CAMKMT: variants seen among roughly 807,000 people sequenced by gnomAD.
CAMKMT encodes the protein CaM KMT.
In CAMKMT, 53 loss-of-function variants were observed where a neutral mutation model predicts 48.0. The observed-to-expected ratio is 1.10, with a 90% CI of 0.89 to 1.39. The LOEUF is 1.39. Among genes scored for constraint, CAMKMT ranks in the 40% most tolerant of loss-of-function variants. The pLI, the probability that CAMKMT is intolerant of heterozygous loss-of-function variation, is 0.00. For synonymous variants in CAMKMT, 165 were observed against 152.3 expected (o/e 1.08, Z -0.61); for missense variants, 428 against 402.7 (o/e 1.06, Z -0.54).
intron 7 of CAMKMT, among the ~76,000 whole-genome samples, chr2:44,719,078 G>T (rs992266912): frequency 6.6e-6 from 1 of 152,176 alleles, no homozygotes; most frequent in Non-Finnish European, 1.5e-5. Context: ...GCCTTCTGCA[G>T]TCTGCCCTTA....
intron 7 of CAMKMT, among the ~76,000 whole-genome samples, chr2:44,731,821 C>T (rs1284426907): frequency 1.3e-5 from 2 of 152,254 alleles, no homozygotes; most frequent in Non-Finnish European, 2.9e-5. Context: ...CAATGATACT[C>T]AGCATCTCTC....
At chr2:44,542,366 CTGAGA>C (rs1307757170) in intron 3 of CAMKMT, among the ~76,000 whole-genome samples, 1 of 152,010 alleles carries the variant, frequency 6.6e-6, no homozygotes, top group Non-Finnish European at 1.5e-5. Flanking sequence ...CCAGTACTTA[CTGAGA>C]TATTTCCATG....
chr2:44,518,177 A>T (rs576562533), intron 3 of CAMKMT, among the ~76,000 whole-genome samples: 4 of 152,208 alleles, frequency 2.6e-5, no homozygotes, highest in East Asian at 1.9e-4. Context: ...TTTTCAAGAA[A>T]ATTTAGTACT....
At chr2:44,765,419 A>G (rs1212787205) in intron 9 of CAMKMT, among the ~76,000 whole-genome samples, 1 of 152,218 alleles carries the variant, frequency 6.6e-6, no homozygotes, top group African/African-American at 2.4e-5. Flanking sequence ...ACTCTTCATA[A>G]GAAACTCAGA....
intron 3 of CAMKMT, among the ~76,000 whole-genome samples, chr2:44,541,721 T>C (rs895118422): frequency 2.7e-5 from 4 of 147,728 alleles, no homozygotes; most frequent in African/African-American, 7.6e-5. Flanking sequence ...CAGTGAGCCA[T>C]GAGTGTGCCA....
At chr2:44,595,351 C>T (rs1670588987) in intron 3 of CAMKMT, among the ~76,000 whole-genome samples, 1 of 152,130 alleles carries the variant, frequency 6.6e-6, no homozygotes, top group Admixed American at 6.6e-5. Context: ...GGTGATCTGC[C>T]CGCCTCAGCG....
chr2:44,463,232 A>G (rs1446845246), intron 3 of CAMKMT, among the ~76,000 whole-genome samples: 1 of 152,222 alleles, frequency 6.6e-6, no homozygotes, highest in East Asian at 1.9e-4. Flanking sequence ...AAGAATAGGA[A>G]GCCCTAGACC....
At chr2:44,703,885 C>T (rs139006244) in intron 3 of CAMKMT, among the ~76,000 whole-genome samples, 140 of 151,264 alleles carry the variant, frequency 9.3e-4, no homozygotes, top group African/African-American at 3.2e-3. Flanking sequence ...TGTGTGTGAT[C>T]GTCCCATTTA....
chr2:44,378,781 C>G (rs942164227), intron 2 of CAMKMT, among the ~76,000 whole-genome samples: 1 of 152,160 alleles, frequency 6.6e-6, no homozygotes, highest in African/African-American at 2.4e-5. Flanking sequence ...CGTGAGCCAC[C>G]GCGCCTGGCC....
chr2:44,556,726 C>T lies in CAMKMT; in HGVS notation c.377-147557C>T, dbSNP rs528727922. On this transcript the variant is annotated intron_variant, in intron 3 of 10. Coordinates refer to ENST00000378494, the MANE Select transcript of CAMKMT (RefSeq NM_024766.5). ...CCTCATGATCCACCCGCCTCGGCCT[C>T]CCAAAGTGCTGGGATTACAGGCGTG... Among the ~76,000 whole-genome samples, 179 of 72,990 alleles carry T rather than the reference C, an allele frequency of 2.5e-3. 72 individuals are homozygous for T. The highest frequency in any genetic ancestry group is 4.4e-3 in the Non-Finnish European group (144 of 33,020). The allele number at this position is 72,990 out of a possible 152,430, so 47.9% of individuals were successfully genotyped here. A position where few individuals can be genotyped will look rare whatever the true frequency, so the allele number is the denominator to read the frequency against.
At chr2:44,435,546 A>C (rs1666185741) in intron 3 of CAMKMT, among the ~76,000 whole-genome samples, 1 of 152,212 alleles carries the variant, frequency 6.6e-6, no homozygotes, top group Non-Finnish European at 1.5e-5. Context: ...TTTTGCTTTG[A>C]TGTTATAAAA....
At chr2:44,431,799 A>G (rs1036337651) in intron 3 of CAMKMT, among the ~76,000 whole-genome samples, 1 of 152,136 alleles carries the variant, frequency 6.6e-6, no homozygotes, top group Non-Finnish European at 1.5e-5. Flanking sequence ...ATGAAAACCA[A>G]GTGGTAATAG....
chr2:44,414,436 G>A (rs894874662), intron 3 of CAMKMT, among the ~76,000 whole-genome samples: 1 of 152,110 alleles, frequency 6.6e-6, no homozygotes, highest in Admixed American at 6.6e-5. Context: ...CACTCACATG[G>A]TTGTTGGCAG....
chr2:44,706,900 T>TA (rs1388032612), intron 5 of CAMKMT, among the ~76,000 whole-genome samples: 20 of 152,206 alleles, frequency 1.3e-4, no homozygotes, highest in African/African-American at 4.3e-4. Context: ...AGCATATTGT[T>TA]ACACTGATTG....
rs371058487 is a variant in CAMKMT, at chr2:44,771,916, T to G, written c.895-120T>G. On this transcript the variant is annotated intron_variant, in intron 10 of 10. Transcript: ENST00000378494. Reference sequence around the variant, plus strand: ...TACTTTGAGTTGCTTTTCTGTGATTTATTTTTCCAGAACTATATATTTTGG... The same window carrying G: ...TACTTTGAGTTGCTTTTCTGTGATTGATTTTTCCAGAACTATATATTTTGG... 373 of 684,242 alleles carry G rather than the reference T, an allele frequency of 5.5e-4. No homozygotes were observed. The East Asian group carries it at 8.7e-3, about 16-fold the overall frequency. The allele number at this position is 684,242 out of a possible 1,614,324, so 42.4% of individuals were successfully genotyped here.
At chr2:44,658,140 A>G (rs1284944095) in intron 3 of CAMKMT, among the ~76,000 whole-genome samples, 1 of 152,234 alleles carries the variant, frequency 6.6e-6, no homozygotes. Context: ...CACCGACGTC[A>G]TTCTGTAGTT....
intron 2 of CAMKMT, among the ~76,000 whole-genome samples, chr2:44,388,121 G>T (rs1224026397): frequency 6.6e-6 from 1 of 152,008 alleles, no homozygotes; most frequent in South Asian, 2.1e-4. Context: ...TGTTTTCCAA[G>T]CTTCTTCCTC....
At chr2:44,538,030 G>T (rs1666877045) in intron 3 of CAMKMT, among the ~76,000 whole-genome samples, 1 of 152,144 alleles carries the variant, frequency 6.6e-6, no homozygotes, top group Non-Finnish European at 1.5e-5. Context: ...GTTCCAAATT[G>T]CAAAGATATG....
At chr2:44,719,317 A>C (rs1219073334) in intron 7 of CAMKMT, among the ~76,000 whole-genome samples, 3 of 152,196 alleles carry the variant, frequency 2.0e-5, no homozygotes, top group Non-Finnish European at 2.9e-5. Flanking sequence ...ACCACAGTTG[A>C]ACATGGCATA....
Sources: allele counts gnomAD v4.1 joint callset (sites outside exome capture counted in the v4.1 genomes callset), GRCh38; gene constraint gnomAD v4.1.1; transcripts MANE v1.5; gene names NCBI Gene and HGNC (gene_info 2026-07-23, HGNC 2026-07-21).